The following SHISA9 variants were observed in gnomAD, a reference collection of about 807,000 sequenced individuals.
SHISA9 encodes shisa family member 9, also known as protein shisa-9.
Under a neutral mutation model 38.0 loss-of-function variants are expected in SHISA9, and 13 were observed. That is an observed-to-expected ratio of 0.34 (90% confidence interval 0.22 to 0.54). The LOEUF (loss-of-function observed/expected upper bound fraction) is 0.54, where lower values mean the gene tolerates loss of function less well. Among genes scored for constraint, SHISA9 ranks in the 20% least tolerant of loss-of-function variants. SHISA9 has a pLI of 0.91. For missense variants in SHISA9, 538 were observed against 575.8 expected, an observed-to-expected ratio of 0.93 and a Z score of 0.67; for synonymous variants, 275 against 242.0, an observed-to-expected ratio of 1.14 and a Z score of -1.27.
intron 2 of SHISA9, among the ~76,000 whole-genome samples, chr16:13,115,805 G>A (rs1276509155): frequency 2.6e-5 from 4 of 152,164 alleles, no homozygotes; most frequent in Admixed American, 6.5e-5. Flanking sequence ...TTACCTGCAG[G>A]CATTTCATTT....
chr16:13,092,023 C>G (rs1297470916), intron 2 of SHISA9, among the ~76,000 whole-genome samples: 1 of 152,120 alleles, frequency 6.6e-6, no homozygotes, highest in Non-Finnish European at 1.5e-5. Context: ...GATGCTATTC[C>G]TTTCAGTTTG....
chr16:13,037,083 CCACACCA>C (rs1567190740), intron 2 of SHISA9, among the ~76,000 whole-genome samples: 2 of 69,194 alleles, frequency 2.9e-5, no homozygotes, highest in East Asian at 6.5e-4. Flanking sequence ...CACACACACA[CCACACCA>C]CACACACACA....
the SHISA9 span, among the ~76,000 whole-genome samples, chr16:13,407,868 C>A: frequency 6.6e-6 from 1 of 152,184 alleles, no homozygotes; most frequent in Non-Finnish European, 1.5e-5. Flanking sequence ...ATGTTTGGTG[C>A]TACAGCAACC....
chr16:13,027,162 G>A (rs1203963647), intron 2 of SHISA9, among the ~76,000 whole-genome samples: 4 of 152,190 alleles, frequency 2.6e-5, no homozygotes, highest in Non-Finnish European at 5.9e-5. Context: ...GACAAATGTT[G>A]GGTGAAGAGT....
chr16:13,190,371 G>A (rs1472692579), intron 2 of SHISA9, among the ~76,000 whole-genome samples: 1 of 152,056 alleles, frequency 6.6e-6, no homozygotes, highest in Non-Finnish European at 1.5e-5. Flanking sequence ...AGCCACCAAG[G>A]GTGAGTTATG....
chr16:13,164,449 C>G (rs1186445103), intron 2 of SHISA9, among the ~76,000 whole-genome samples: 2 of 151,848 alleles, frequency 1.3e-5, no homozygotes, highest in South Asian at 2.1e-4. Flanking sequence ...TTTTCTTTTC[C>G]TTGTAATGTT....
the SHISA9 span, among the ~76,000 whole-genome samples, chr16:13,473,031 C>T: frequency 6.6e-6 from 1 of 152,018 alleles, no homozygotes; most frequent in Non-Finnish European, 1.5e-5. Flanking sequence ...TCTTTATATG[C>T]CTGTTAATTT....
chr16:13,541,141 A>T, the SHISA9 span, among the ~76,000 whole-genome samples: 1 of 152,202 alleles, frequency 6.6e-6, no homozygotes, highest in Non-Finnish European at 1.5e-5. Flanking sequence ...GCTGGAGCAG[A>T]AGCAGGAGCC....
chr16:13,035,664 G>T (rs1223220153), intron 2 of SHISA9, among the ~76,000 whole-genome samples: 1 of 152,012 alleles, frequency 6.6e-6, no homozygotes, highest in Non-Finnish European at 1.5e-5. Flanking sequence ...TCAAGTAGCT[G>T]GGACTATGGG....
the SHISA9 span, among the ~76,000 whole-genome samples, chr16:13,360,045 TG>T: frequency 2.0e-5 from 3 of 152,306 alleles, no homozygotes; most frequent in African/African-American, 7.2e-5. Flanking sequence ...CTTGACTTGC[TG>T]GGCTAAAGCG....
the SHISA9 span, among the ~76,000 whole-genome samples, chr16:13,374,699 T>C: frequency 1.8e-4 from 27 of 152,196 alleles, no homozygotes; most frequent in Non-Finnish European, 3.7e-4. Flanking sequence ...GATGCCTGGG[T>C]CAAATGGTAT....
rs560730652 is a variant in SHISA9 at position 12,980,812 on chromosome 16, C to A, written c.691+63997C>A. On this transcript the variant is annotated intron_variant, in intron 2 of 4. Transcript: ENST00000558583. The stretch of plus-strand genomic sequence containing the variant: ...TTGTCTTCCAGTTGATTAATTCATT[C>A]TTTAGCTGTATCCATTTTGTGTCCA... Among the ~76,000 whole-genome samples, 134 of 151,876 alleles carry A rather than the reference C, an allele frequency of 8.8e-4. 1 individual carries two copies. Among genetic ancestry groups the A allele is most frequent in the African/African-American group, 3.0e-3 (126 of 41,442 alleles).
At chr16:13,320,206 G>A in the SHISA9 span, among the ~76,000 whole-genome samples, 20 of 139,424 alleles carry the variant, frequency 1.4e-4, no homozygotes, top group Admixed American at 7.1e-4. Flanking sequence ...CAGGAGAATC[G>A]CTTGAACCCA....
the SHISA9 span, among the ~76,000 whole-genome samples, chr16:13,251,217 C>A: frequency 6.6e-6 from 1 of 152,182 alleles, no homozygotes; most frequent in Non-Finnish European, 1.5e-5. Flanking sequence ...CCTCTCCATA[C>A]TCAGAGGAAA....
chr16:13,011,814 C>T (rs1431381902), intron 2 of SHISA9, among the ~76,000 whole-genome samples: 1 of 152,078 alleles, frequency 6.6e-6, no homozygotes, highest in Admixed American at 6.5e-5. Context: ...AGCCACCGTG[C>T]CTGGCCTTTG....
the SHISA9 span, among the ~76,000 whole-genome samples, chr16:13,262,631 TGGAAGGAAGGAA>T: frequency 3.7e-4 from 29 of 78,012 alleles, no homozygotes; most frequent in East Asian, 2.5e-3. Context: ...ATTGTTATTG[TGGAAGGAAGGAA>T]GGAAGGAAGG....
At chr16:13,305,530 G>T in the SHISA9 span, among the ~76,000 whole-genome samples, 1 of 152,140 alleles carries the variant, frequency 6.6e-6, no homozygotes, top group Non-Finnish European at 1.5e-5. Flanking sequence ...ACTCTCCCTT[G>T]CTTGCTCTGC....
At chr16:13,318,841 A>T in the SHISA9 span, among the ~76,000 whole-genome samples, 1 of 152,248 alleles carries the variant, frequency 6.6e-6, no homozygotes, top group Non-Finnish European at 1.5e-5. Context: ...AAAACAAAAG[A>T]AACTACAAAA....
chr16:13,291,943 TG>T, the SHISA9 span, among the ~76,000 whole-genome samples: 1 of 152,144 alleles, frequency 6.6e-6, no homozygotes, highest in African/African-American at 2.4e-5. Flanking sequence ...TTTTACCTTT[TG>T]GTCACAGGGC....
Sources: allele counts gnomAD v4.1 joint callset (sites outside exome capture counted in the v4.1 genomes callset), GRCh38; gene constraint gnomAD v4.1.1; transcripts MANE v1.5; gene names NCBI Gene and HGNC (gene_info 2026-07-23, HGNC 2026-07-21).